C22orf31: variants seen among roughly 807,000 people sequenced by gnomAD.
C22orf31 encodes the protein uncharacterized protein C22orf31.
A neutral mutation model predicts 15.0 loss-of-function variants in C22orf31; 11 were observed. The observed-to-expected ratio is 0.73, with a 90% CI of 0.46 to 1.21. The LOEUF is 1.21. Among genes scored for constraint, C22orf31 ranks in the 50% most tolerant of loss-of-function variants. The pLI is 0.00. For synonymous variants in C22orf31, 132 were observed against 133.3 expected (o/e 0.99, Z 0.07); for missense variants, 340 against 347.2 (o/e 0.98, Z 0.17).
At chr22:29,073,070 C>T in the C22orf31 span, 1 of 438,320 alleles carries the variant, frequency 2.3e-6, no homozygotes, top group Non-Finnish European at 3.0e-6. The surrounding 1 kb of genome is among the most constrained non-coding windows in gnomAD (Gnocchi z 4.4). Flanking sequence ...TGGCCGCCCC[C>T]GGCTCCCCGC....
At chr22:29,061,641 T>C (rs1310834568) in intron 1 of C22orf31, 149 bp downstream of exon 1, 3 of 589,142 alleles carry the variant, frequency 5.1e-6, no homozygotes, top group South Asian at 2.5e-5. Flanking sequence ...CTGGGGACCA[T>C]AAAAGCAACA....
the C22orf31 span, among the ~76,000 whole-genome samples, chr22:29,068,423 T>G: frequency 6.7e-6 from 1 of 149,690 alleles, no homozygotes; most frequent in African/African-American, 2.5e-5. Flanking sequence ...TTTTTTTTTT[T>G]TTTTTGAGAC....
the C22orf31 span, among the ~76,000 whole-genome samples, chr22:29,070,098 G>A: frequency 4.6e-3 from 697 of 151,904 alleles, 7 homozygotes; most frequent in East Asian, 0.035. Flanking sequence ...GGCACCTACC[G>A]CCAAGCCCGG....
chr22:29,073,298 C>T, the C22orf31 span: 1 of 563,618 alleles, frequency 1.8e-6, no homozygotes, highest in East Asian at 5.3e-5. This position sits in a 1 kb window ranked among gnomAD's most constrained non-coding sequence, Gnocchi z 4.4. Context: ...GGCCGGCCGG[C>T]CTGAGAGCCC....
chr22:29,068,378 T>C, the C22orf31 span, among the ~76,000 whole-genome samples: 13 of 149,866 alleles, frequency 8.7e-5, no homozygotes, highest in Admixed American at 2.6e-4. Context: ...GCACGAGCCA[T>C]CCTGCCCGGG....
At chr22:29,073,140 C>A in the C22orf31 span, 1 of 1,089,780 alleles carries the variant, frequency 9.2e-7, no homozygotes, top group Non-Finnish European at 1.1e-6. The surrounding 1 kb of genome is among the most constrained non-coding windows in gnomAD (Gnocchi z 4.4). Context: ...CATGGCGCCG[C>A]CAGCCGCCCG....
At chr22:29,065,163 T>C (rs971050578), upstream of C22orf31, among the ~76,000 whole-genome samples, 3 of 152,176 alleles carry the variant, frequency 2.0e-5, no homozygotes, top group Non-Finnish European at 4.4e-5. Flanking sequence ...ATGTGAATGT[T>C]ATTAATATTA....
In C22orf31 at chr22:29,058,713, GAATACTCT is replaced by G; in HGVS notation, c.*21_*28del. On this transcript the variant is annotated 3_prime_UTR_variant, in exon 3 of 3. Transcript: ENST00000216071. Reference sequence around the variant, plus strand: ...GTTTATTTTTCAGATCTCTAGCAGAGAATACTCTAATCCCATGAGTTCTTGTTCCTATT... The same window carrying G: ...GTTTATTTTTCAGATCTCTAGCAGAGAATCCCATGAGTTCTTGTTCCTATT... 2 of 1,523,784 alleles carry G rather than the reference GAATACTCT, an allele frequency of 1.3e-6. No homozygotes were observed. The highest frequency in any genetic ancestry group is 1.8e-6 in the Non-Finnish European group (2 of 1,118,188). The allele number at this position is 1,523,784 out of a possible 1,614,324, so 94.4% of individuals were successfully genotyped here. A position where few individuals can be genotyped will look rare whatever the true frequency, so the allele number is the denominator to read the frequency against.
In C22orf31 at chr22:29,059,189, A is replaced by T. The variant is rs773521720; in HGVS notation, c.433-7T>A. 6.3e-7 allele frequency: 1 copy of T among 1,580,894 alleles called. No individual in the cohort carries two copies. The highest frequency in any genetic ancestry group is 1.4e-5 in the African/African-American group (1 of 73,588). ...CCTTTGAACTTTCTTTACTCTAGCC[A>T]GGAAGAAAGCAGAGAAGTCAAAGCT... On this transcript the variant is annotated splice_region_variant and splice_polypyrimidine_tract_variant and intron_variant, in intron 2 of 2. Transcript: ENST00000216071.
intron 1 of C22orf31, among the ~76,000 whole-genome samples, chr22:29,061,139 C>T (rs2037386677): frequency 6.6e-6 from 1 of 152,124 alleles, no homozygotes; most frequent in South Asian, 2.1e-4. Context: ...CAATTCCTGC[C>T]TGCTGGAAAG....
At chr22:29,062,269 G>A (rs566599537), upstream of C22orf31, among the ~76,000 whole-genome samples, 1 of 152,070 alleles carries the variant, frequency 6.6e-6, no homozygotes, top group African/African-American at 2.4e-5. Flanking sequence ...ATGTGCAAAA[G>A]TGCCCTCCTT....
At position 29,060,817 on chromosome 22, in the gene C22orf31, G is replaced by A. The variant is rs2037383758; in HGVS notation, c.30C>T (p.Pro10=). MHPINVRRD[P]SIPIYGLRQS... ...GTCGGAGTCCATAGATAGGGATGCT[G>A]GGGTCTCGTCTCACATTGATTGGGT... Residue 10 remains proline, a synonymous_variant, in exon 2 of 3, where the codon CCC becomes CCT. Transcript: ENST00000216071. 3.1e-6 allele frequency: 5 copies of A among 1,613,810 alleles called. No individual in the cohort carries two copies. The highest frequency in any genetic ancestry group is 1.1e-5 in the South Asian group (1 of 91,054).
In C22orf31 at chr22:29,058,710, A is replaced by C; in HGVS notation, c.*32T>G. 5 of 1,503,988 alleles carry C rather than the reference A, an allele frequency of 3.3e-6. No homozygotes were observed. The highest frequency in any genetic ancestry group is 4.5e-6 in the Non-Finnish European group (5 of 1,104,306). 93.2% of individuals were successfully genotyped at this position (1,503,988 alleles called of 1,614,324 possible). On this transcript the variant is annotated 3_prime_UTR_variant, in exon 3 of 3. Transcript: ENST00000216071. ...TGTGTTTATTTTTCAGATCTCTAGC[A>C]GAGAATACTCTAATCCCATGAGTTC...
chr22:29,068,413 T>C, the C22orf31 span, among the ~76,000 whole-genome samples: 1 of 17,104 alleles, frequency 5.8e-5, no homozygotes, highest in Non-Finnish European at 1.4e-4. Context: ...TTTAAATTTC[T>C]TTTTTTTTTT....
upstream of C22orf31, among the ~76,000 whole-genome samples, chr22:29,065,233 T>C (rs2037421546): frequency 6.6e-6 from 1 of 152,196 alleles, no homozygotes; most frequent in Admixed American, 6.5e-5. Flanking sequence ...CTAAGTGATG[T>C]AATGCAACAT....
the C22orf31 span, chr22:29,073,163 C>T: frequency 8.6e-7 from 1 of 1,160,348 alleles, no homozygotes; most frequent in Non-Finnish European, 1.1e-6. This position sits in a 1 kb window ranked among gnomAD's most constrained non-coding sequence, Gnocchi z 4.4. Flanking sequence ...TCGCCCTGCT[C>T]TCCGCCGCGG....
chr22:29,068,386 G>A, the C22orf31 span, among the ~76,000 whole-genome samples: 12 of 151,100 alleles, frequency 7.9e-5, no homozygotes, highest in South Asian at 2.1e-4. Flanking sequence ...CATCCTGCCC[G>A]GGCTCAAGAC....
chr22:29,064,783 C>T (rs930387861), upstream of C22orf31, among the ~76,000 whole-genome samples: 1 of 139,950 alleles, frequency 7.1e-6, no homozygotes, highest in African/African-American at 2.6e-5. Flanking sequence ...TCAAGTGATC[C>T]TCCTTGGCCT....
rs764780973 is a variant in C22orf31 at position 29,060,668 on chromosome 22, G to A, written c.179C>T (p.Ser60Phe). ...NINAPAPATT[S>F]SWEVVRNPLI... Reference sequence around the variant, plus strand: ...TGGGTTCCTTACAACTTCCCAAGAGGAAGTGGTAGCTGGTGCTGGGGCATT... The same window carrying A: ...TGGGTTCCTTACAACTTCCCAAGAGAAAGTGGTAGCTGGTGCTGGGGCATT... Residue 60 changes from serine (S) to phenylalanine (F), a missense_variant, in exon 2 of 3, where the codon TCC (serine) becomes TTC (phenylalanine). Transcript: ENST00000216071. 1.2e-6 allele frequency: 2 copies of A among 1,614,086 alleles called. No individual in the cohort carries two copies. The highest frequency in any genetic ancestry group is 1.7e-6 in the Non-Finnish European group (2 of 1,180,046).
Sources: allele counts gnomAD v4.1 joint callset (sites outside exome capture counted in the v4.1 genomes callset), GRCh38; gene constraint gnomAD v4.1.1; non-coding constraint Gnocchi (gnomAD v3.1); transcripts MANE v1.5; gene names NCBI Gene and HGNC (gene_info 2026-07-23, HGNC 2026-07-21).